The following MIER1 variants were observed in gnomAD, a reference collection of about 807,000 sequenced individuals.
MIER1 encodes the protein MIER1 transcriptional regulator.
In MIER1, 40 loss-of-function variants were observed where a neutral mutation model predicts 75.7. The observed-to-expected ratio is 0.53, with a 90% CI of 0.41 to 0.69. MIER1 has a LOEUF of 0.69. Ranked by LOEUF, MIER1 falls within the 30% of genes least tolerant of loss-of-function variation. The probability of loss-of-function intolerance (pLI) is 0.00; values close to 1 mark genes in which losing one functional copy is unlikely to be tolerated. For synonymous variants in MIER1, 213 were observed against 223.4 expected, an observed-to-expected ratio of 0.95 and a Z score of 0.42; for missense variants, 574 against 680.2, an observed-to-expected ratio of 0.84 and a Z score of 1.74.
rs1180829799 is a variant in MIER1 at position 66,946,171 on chromosome 1, A to T, written c.215A>T (p.Asp72Val). The stretch of plus-strand genomic sequence containing the variant: ...CCAGGAGGTTCAGCAACATCAGATG[A>T]CCATGAATTTGATCCATCAGCTGAC... Reference protein sequence around the residue: ...SSPGGSATSDDHEFDPSADML... With the variant: ...SSPGGSATSDVHEFDPSADML... The change falls in exon 4 of 14, where the codon GAC becomes GTC. Residue 72 changes from aspartate (D) to valine (V), a missense_variant. Physicochemically the swap from Asp to Val is radical, Grantham distance 152. Coordinates refer to ENST00000401041, the MANE Select transcript of MIER1 (RefSeq NM_001077700.3). 1 of 1,609,782 alleles carries T rather than the reference A, an allele frequency of 6.2e-7. No individual in the cohort carries two copies. Among genetic ancestry groups the T allele is most frequent in the African/African-American group, 1.3e-5 (1 of 74,790 alleles).
chr1:66,968,079 A>G (rs1157212108), intron 8 of MIER1, among the ~76,000 whole-genome samples: 3 of 152,116 alleles, frequency 2.0e-5, no homozygotes, highest in African/African-American at 7.2e-5. Flanking sequence ...GTAATTATGC[A>G]TATGTAATTT....
Position 66,984,830 on chromosome 1 carries a change from G to T in MIER1, c.1628G>T (p.Gly543Val). 6.2e-7 allele frequency: 1 copy of T among 1,611,242 alleles called. No individual in the cohort carries two copies. The highest frequency in any genetic ancestry group is 8.5e-7 in the Non-Finnish European group (1 of 1,179,250). The change falls in exon 14 of 14, where the codon GGT (glycine) becomes GTT (valine). Residue 543 changes from glycine to valine, a missense_variant. By Grantham distance (109) the Gly-to-Val change is moderately radical. Coordinates refer to ENST00000401041, the MANE Select transcript of MIER1 (RefSeq NM_001077700.3). ...AACAGCAATGGAAAAGAAAGTCCAG[G>T]TTCTTCTGAATTTTTCCAAGAAGCA... is the stretch of plus-strand genomic sequence containing the variant. ...RVNSNGKESP[G>V]SSEFFQEAVS...
At chr1:66,939,407 G>A (rs1006507253) in intron 2 of MIER1, among the ~76,000 whole-genome samples, 1 of 152,078 alleles carries the variant, frequency 6.6e-6, no homozygotes, top group East Asian at 1.9e-4. Flanking sequence ...GGAAATCTGT[G>A]CAGTCTTGCA....
intron 8 of MIER1, among the ~76,000 whole-genome samples, chr1:66,969,273 C>T (rs947359671): frequency 1.3e-5 from 2 of 151,840 alleles, no homozygotes; most frequent in South Asian, 2.1e-4. Flanking sequence ...CGGCCGGGCG[C>T]GGTGGCTCAC....
Position 66,958,936 on chromosome 1 carries a change from A to G in MIER1, c.587A>G (p.Asp196Gly), listed in dbSNP as rs148683813. ...CCATCACAATCTGTTGCTTCTCAAG[A>G]TGCCCAGGAAATAATCCGCCCACGT... ...DDPSQSVASQ[D>G]AQEIIRPRRC... Residue 196 changes from aspartate (D) to glycine (G), a missense_variant, in exon 6 of 14, where the codon GAT becomes GGT. Physicochemically the swap from Asp to Gly is moderately conservative, Grantham distance 94. This residue lies in a region of MIER1 where 309 missense variants were observed against 352.8 expected (regional missense o/e 0.88). Transcript: ENST00000401041. 1 of 1,613,304 alleles carries G rather than the reference A, an allele frequency of 6.2e-7. No homozygotes were observed. Among genetic ancestry groups the G allele is most frequent in the African/African-American group, 1.3e-5 (1 of 74,956 alleles).
chr1:66,949,146 CTG>C (rs1383681867), intron 4 of MIER1, among the ~76,000 whole-genome samples: 4 of 152,128 alleles, frequency 2.6e-5, no homozygotes, highest in Non-Finnish European at 5.9e-5. Context: ...GAATAGCCAT[CTG>C]TGGGATAAAA....
At chr1:66,977,224 C>G (rs1350320109) in intron 12 of MIER1, among the ~76,000 whole-genome samples, 2 of 152,106 alleles carry the variant, frequency 1.3e-5, no homozygotes, top group African/African-American at 4.8e-5. Context: ...ATTGTCCTGC[C>G]TCAGCCTCCC....
Position 66,969,545 on chromosome 1 carries a change from C to CAAAA in MIER1, c.773-1236_773-1233dup, listed in dbSNP as rs35924256. On this transcript the variant is annotated intron_variant, in intron 8 of 13. Coordinates refer to ENST00000401041, the MANE Select transcript of MIER1 (RefSeq NM_001077700.3). ...GGGCAACAGAGCAAGACTTCGTCTC[C>CAAAA]AAAAAAAAAAAAAAAAAAAAAAAAA... 8.3e-4 allele frequency among the ~76,000 whole-genome samples: 53 copies of CAAAA among 63,538 alleles called. 2 individuals are homozygous for CAAAA. Among genetic ancestry groups the CAAAA allele is most frequent in the Admixed American group, 5.8e-3 (21 of 3,646 alleles). 41.7% of individuals were successfully genotyped at this position (63,538 alleles called of 152,430 possible).
intron 4 of MIER1, among the ~76,000 whole-genome samples, chr1:66,950,847 G>T (rs911060724): frequency 6.1e-4 from 92 of 150,166 alleles, no homozygotes; most frequent in African/African-American, 2.2e-3. Flanking sequence ...CATCTCTCTA[G>T]TTCAGTCTGG....
intron 2 of MIER1, chr1:66,930,493 C>T: frequency 7.5e-7 from 1 of 1,327,880 alleles, no homozygotes; most frequent in Non-Finnish European, 1.0e-6. Flanking sequence ...AGGAGAGGCC[C>T]GGCCCTGCTG....
intron 8 of MIER1, among the ~76,000 whole-genome samples, chr1:66,969,633 A>T (rs565994251): frequency 4.5e-4 from 69 of 151,992 alleles, no homozygotes; most frequent in African/African-American, 1.6e-3. Flanking sequence ...TCATAATAAA[A>T]GAAATTTTGA....
At chr1:66,925,567 C>T (rs1403635647) in intron 1 of MIER1, 2 of 984,908 alleles carry the variant, frequency 2.0e-6, no homozygotes, top group African/African-American at 3.5e-5. Flanking sequence ...TTGCCCTTTT[C>T]GGATGGAGTC....
chr1:66,959,941 G>A (rs1660930480), intron 7 of MIER1, 198 bp downstream of exon 7: 2 of 288,832 alleles, frequency 6.9e-6, no homozygotes, highest in South Asian at 1.2e-4. Context: ...CATTTCTGGC[G>A]GGGTGTGGTG....
chr1:66,956,395 CAG>C (rs1203337358), intron 4 of MIER1, among the ~76,000 whole-genome samples: 2 of 152,192 alleles, frequency 1.3e-5, no homozygotes, highest in Admixed American at 1.3e-4. Context: ...GCCTGGGTGA[CAG>C]AGCAAGATCC....
chr1:66,952,116 C>T (rs1659106606), intron 4 of MIER1, among the ~76,000 whole-genome samples: 3 of 152,156 alleles, frequency 2.0e-5, no homozygotes. Flanking sequence ...AAGTCTCTGA[C>T]CTATAACTGA....
At chr1:66,969,434 A>G (rs944040112) in intron 8 of MIER1, among the ~76,000 whole-genome samples, 1 of 150,078 alleles carries the variant, frequency 6.7e-6, no homozygotes, top group East Asian at 2.0e-4. Context: ...AGTCCCAGCT[A>G]CTCTGGAGGC....
At chr1:66,978,934 C>T (rs1665318568) in intron 12 of MIER1, among the ~76,000 whole-genome samples, 1 of 152,198 alleles carries the variant, frequency 6.6e-6, no homozygotes, top group African/African-American at 2.4e-5. Context: ...ACTTTAATGA[C>T]TCTTAAGGTT....
In MIER1 at chr1:66,986,007, T is replaced by C. The variant is rs1037167242; in HGVS notation, c.*1107T>C. On this transcript the variant is annotated 3_prime_UTR_variant, in exon 14 of 14. Coordinates refer to ENST00000401041, the MANE Select transcript of MIER1 (RefSeq NM_001077700.3). ...TATCATGCTGACCAGAATCCTGTTA[T>C]TTTTATATGCATCATAAAATTTCCC... 1 of 990,744 alleles carries C rather than the reference T, an allele frequency of 1.0e-6. No individual in the cohort carries two copies. Among genetic ancestry groups the C allele is most frequent in the Non-Finnish European group, 1.2e-6 (1 of 833,330 alleles). 61.4% of individuals were successfully genotyped at this position (990,744 alleles called of 1,614,324 possible).
chr1:66,952,451 G>C (rs995692461), intron 4 of MIER1, among the ~76,000 whole-genome samples: 5 of 152,104 alleles, frequency 3.3e-5, no homozygotes, highest in African/African-American at 1.2e-4. Flanking sequence ...TATAGCATCA[G>C]AATTTGGGGG....
Sources: allele counts gnomAD v4.1 joint callset (sites outside exome capture counted in the v4.1 genomes callset), GRCh38; gene constraint gnomAD v4.1.1; regional missense constraint gnomAD v4.1.1; transcripts MANE v1.5; gene names NCBI Gene and HGNC (gene_info 2026-07-23, HGNC 2026-07-21).